NUP93: variants seen among roughly 807,000 people sequenced by gnomAD.
NUP93 encodes the protein nucleoporin 93, also known as nuclear pore complex protein Nup93.
In NUP93, 55 loss-of-function variants were observed where a neutral mutation model predicts 107.8. That is an observed-to-expected ratio of 0.51 (90% CI 0.41 to 0.64). The LOEUF (loss-of-function observed/expected upper bound fraction) is 0.64, where lower values mean the gene tolerates loss of function less well. Among genes scored for constraint, NUP93 ranks in the 30% least tolerant of loss-of-function variants. The pLI, the probability that NUP93 is intolerant of heterozygous loss-of-function variation, is 0.00. For synonymous variants in NUP93, 390 were observed against 397.5 expected (o/e 0.98, Z 0.22); for missense variants, 937 against 1,044.7 (o/e 0.90, Z 1.42).
intron 3 of NUP93, among the ~76,000 whole-genome samples, chr16:56,790,577 A>G (rs1295417722): frequency 1.3e-5 from 2 of 152,144 alleles, no homozygotes; most frequent in African/African-American, 2.4e-5. Context: ...TTTCTCCATA[A>G]GTAGTTTTTT....
chr16:56,738,446 C>G (rs1351860607), intron 1 of NUP93, among the ~76,000 whole-genome samples: 2 of 152,200 alleles, frequency 1.3e-5, no homozygotes, highest in Non-Finnish European at 1.5e-5. Context: ...AACATTGAGT[C>G]ACTGAGGGCA....
chr16:56,754,010 A>T (rs1373508708), intron 2 of NUP93, among the ~76,000 whole-genome samples: 1 of 151,450 alleles, frequency 6.6e-6, no homozygotes, highest in African/African-American at 2.4e-5. Flanking sequence ...GGTTTAATTG[A>T]TTCACATTTT....
chr16:56,750,096 C>A (rs1961891687), intron 2 of NUP93, among the ~76,000 whole-genome samples: 1 of 152,208 alleles, frequency 6.6e-6, no homozygotes, highest in South Asian at 2.1e-4. Flanking sequence ...AGCTTTACAG[C>A]CTATTAAGAG....
At chr16:56,740,308 A>G (rs1273105757) in intron 1 of NUP93, among the ~76,000 whole-genome samples, 507 of 129,584 alleles carry the variant, frequency 3.9e-3, no homozygotes, top group Non-Finnish European at 5.8e-3. Context: ...CACTTCTCAG[A>G]CGGGGCGGCC....
At chr16:56,832,516 A>G in intron 12 of NUP93, 128 bp downstream of exon 12, 1 of 691,348 alleles carries the variant, frequency 1.4e-6, no homozygotes, top group South Asian at 1.7e-5. Context: ...TAGATTGTCA[A>G]GGCAAAACAC....
intron 6 of NUP93, among the ~76,000 whole-genome samples, chr16:56,821,095 A>G (rs1312835036): frequency 6.6e-6 from 1 of 152,162 alleles, no homozygotes; most frequent in African/African-American, 2.4e-5. Flanking sequence ...GCAGTGCCCA[A>G]CATTCCCCAC....
chr16:56,826,188 C>G (rs1441824662), intron 8 of NUP93, among the ~76,000 whole-genome samples: 1 of 152,182 alleles, frequency 6.6e-6, no homozygotes, highest in Non-Finnish European at 1.5e-5. Flanking sequence ...TGCTACAGAA[C>G]TCCTCAATTT....
intron 5 of NUP93, among the ~76,000 whole-genome samples, chr16:56,807,291 T>C (rs574225996): frequency 1.3e-5 from 2 of 152,350 alleles, no homozygotes; most frequent in South Asian, 4.1e-4. Flanking sequence ...TTCGGATATT[T>C]ACCCATTGCC....
At chr16:56,733,468 C>T (rs1329493487) in intron 1 of NUP93, among the ~76,000 whole-genome samples, 3 of 151,968 alleles carry the variant, frequency 2.0e-5, no homozygotes, top group Non-Finnish European at 4.4e-5. Flanking sequence ...GTGAAAGGGG[C>T]GCTGGGGTGA....
At chr16:56,806,853 A>C (rs1454423784) in intron 5 of NUP93, among the ~76,000 whole-genome samples, 1 of 152,144 alleles carries the variant, frequency 6.6e-6, no homozygotes, top group African/African-American at 2.4e-5. Context: ...GGGCTTGACT[A>C]CCAGGAGGTG....
At chr16:56,777,278 G>A (rs771847121) in intron 3 of NUP93, among the ~76,000 whole-genome samples, 4 of 152,044 alleles carry the variant, frequency 2.6e-5, no homozygotes, top group Non-Finnish European at 4.4e-5. Flanking sequence ...TTCTTTCACC[G>A]AGGTGCATTT....
chr16:56,742,173 C>T (rs1474567972), intron 1 of NUP93, among the ~76,000 whole-genome samples: 2 of 152,222 alleles, frequency 1.3e-5, no homozygotes, highest in African/African-American at 4.8e-5. Flanking sequence ...AAACAGATTT[C>T]TTCCCCAAAT....
chr16:56,776,023 A>G (rs1483428139), intron 3 of NUP93, among the ~76,000 whole-genome samples: 1 of 150,142 alleles, frequency 6.7e-6, no homozygotes, highest in Non-Finnish European at 1.5e-5. Flanking sequence ...CTTAAAGTTT[A>G]TATCCTTGCA....
At chr16:56,783,395 G>A (rs1870963280) in intron 3 of NUP93, 1 of 823,502 alleles carries the variant, frequency 1.2e-6, no homozygotes, top group Non-Finnish European at 1.5e-6. Context: ...GCTCCTCTTG[G>A]CATTGGAGTT....
rs1964152485 is a variant in NUP93, at chr16:56,849,492, G to A, written c.*4883G>A. 1 of 152,220 alleles carries A rather than the reference G, an allele frequency of 6.6e-6. No homozygotes were observed. The highest frequency in any genetic ancestry group is 1.9e-4 in the East Asian group (1 of 5,192). The allele number at this position is 152,220 out of a possible 1,614,324, so 9.4% of individuals were successfully genotyped here. A position where few individuals can be genotyped will look rare whatever the true frequency, so the allele number is the denominator to read the frequency against. ...GGCTTCTGTTTGAACAGGAAGTGGG[G>A]AGTCAGTGATCCCAGAGGGGACTTC... On this transcript the variant is annotated 3_prime_UTR_variant, in exon 22 of 22. Transcript: ENST00000308159.
At chr16:56,802,940 T>C (rs1009269952) in intron 4 of NUP93, among the ~76,000 whole-genome samples, 3 of 152,214 alleles carry the variant, frequency 2.0e-5, no homozygotes, top group Admixed American at 1.3e-4. Flanking sequence ...CAGATTTTTT[T>C]TGGTCATCTT....
intron 10 of NUP93, 95 bp from the exon 11 acceptor site, chr16:56,831,747 C>G (rs1325471506): frequency 7.7e-7 from 1 of 1,296,490 alleles, no homozygotes; most frequent in Non-Finnish European, 1.1e-6. Context: ...GAAGGCTTCC[C>G]TGCTTTTATG....
At chr16:56,780,927 G>A (rs191185556) in intron 3 of NUP93, among the ~76,000 whole-genome samples, 353 of 152,238 alleles carry the variant, frequency 2.3e-3, no homozygotes, top group African/African-American at 7.3e-3. Flanking sequence ...TGGTCTTAGC[G>A]TGGCTCTGTC....
Position 56,831,987 on chromosome 16 carries a change from G to C in NUP93, c.1231G>C (p.Glu411Gln), listed in dbSNP as rs779103749. ...DNQSEVADKT[E>Q]DYLWLKLNQV... is the part of the protein sequence containing the mutation. ...CCAGAGTGAAGTGGCGGACAAAACT[G>C]AGGATTACCTGTGGCTGAAGGTAGG... Residue 411 changes from glutamate to glutamine, a missense_variant, in exon 11 of 22, where the codon GAG (glutamate) becomes CAG (glutamine). Coordinates refer to ENST00000308159, the MANE Select transcript of NUP93 (RefSeq NM_014669.5). 5 of 1,613,984 alleles carry C rather than the reference G, an allele frequency of 3.1e-6. No homozygotes were observed. The highest frequency in any genetic ancestry group is 1.3e-5 in the African/African-American group (1 of 74,912).
Sources: allele counts gnomAD v4.1 joint callset (sites outside exome capture counted in the v4.1 genomes callset), GRCh38; gene constraint gnomAD v4.1.1; transcripts MANE v1.5; gene names NCBI Gene and HGNC (gene_info 2026-07-23, HGNC 2026-07-21).